FOXP2: variants seen among roughly 807,000 people sequenced by gnomAD.
The protein encoded by FOXP2 is forkhead box P2.
FOXP2 carries 12 observed loss-of-function variants against 115.8 expected under a neutral mutation model. That is an observed-to-expected ratio of 0.10 (90% CI 0.07 to 0.17). FOXP2 has a LOEUF of 0.17. Ranked by LOEUF, FOXP2 falls within the 10% of genes least tolerant of loss-of-function variation. The pLI, the probability that FOXP2 is intolerant of heterozygous loss-of-function variation, is 1.00. For missense variants in FOXP2, 629 were observed against 843.5 expected (o/e 0.75, Z 3.15); for synonymous variants, 328 against 297.7 (o/e 1.10, Z -1.05).
At chr7:114,110,294 G>A (rs1024473730) in intron 1 of FOXP2, among the ~76,000 whole-genome samples, 5 of 152,082 alleles carry the variant, frequency 3.3e-5, no homozygotes, top group African/African-American at 1.2e-4. Flanking sequence ...TTAGGATCTT[G>A]AATTGAACTT....
chr7:114,300,152 G>A (rs1308478107), intron 2 of FOXP2, among the ~76,000 whole-genome samples: 2 of 151,998 alleles, frequency 1.3e-5, no homozygotes, highest in Non-Finnish European at 2.9e-5. Context: ...GAAGATAGCT[G>A]CTTCTCTGGT....
intron 2 of FOXP2, among the ~76,000 whole-genome samples, chr7:114,338,951 A>G (rs918113676): frequency 6.6e-6 from 1 of 151,120 alleles, no homozygotes; most frequent in African/African-American, 2.4e-5. Flanking sequence ...AAACAGATCT[A>G]TGAAATTTTT....
At chr7:114,287,189 GA>G (rs879299058) in intron 1 of FOXP2, among the ~76,000 whole-genome samples, 80 of 151,668 alleles carry the variant, frequency 5.3e-4, no homozygotes, top group Admixed American at 3.2e-3. Context: ...CACATTGGAA[GA>G]AGAAGAATTG....
At chr7:114,322,978 G>A (rs1413855597) in intron 2 of FOXP2, among the ~76,000 whole-genome samples, 2 of 152,098 alleles carry the variant, frequency 1.3e-5, no homozygotes, top group Non-Finnish European at 2.9e-5. Context: ...TGTATTGAAA[G>A]GCATGAGTTC....
intron 1 of FOXP2, among the ~76,000 whole-genome samples, chr7:114,203,852 A>G (rs544378255): frequency 5.3e-5 from 8 of 152,258 alleles, no homozygotes; most frequent in Non-Finnish European, 1.2e-4. Context: ...TTCTTAAGAC[A>G]CAGCTTAACA....
chr7:114,129,186 T>C (rs1391526839), intron 1 of FOXP2, among the ~76,000 whole-genome samples: 3 of 152,212 alleles, frequency 2.0e-5, no homozygotes, highest in African/African-American at 7.2e-5. Flanking sequence ...GCATTTTTAA[T>C]TGAGCCTTAC....
At chr7:114,092,526 TA>T (rs962061747) in intron 1 of FOXP2, among the ~76,000 whole-genome samples, 211 of 145,432 alleles carry the variant, frequency 1.5e-3, no homozygotes, top group African/African-American at 4.3e-3. Context: ...TTCTCAACCT[TA>T]AAAAAAAAAA....
chr7:114,568,615 G>A (rs936243844), intron 3 of FOXP2, among the ~76,000 whole-genome samples: 1 of 151,776 alleles, frequency 6.6e-6, no homozygotes, highest in Non-Finnish European at 1.5e-5. Context: ...TCACGGTGAA[G>A]CCTCAGGCAG....
At chr7:114,252,133 G>A (rs1333956566) in intron 1 of FOXP2, among the ~76,000 whole-genome samples, 2 of 152,296 alleles carry the variant, frequency 1.3e-5, no homozygotes, top group Non-Finnish European at 2.9e-5. Flanking sequence ...GCATCCCAGG[G>A]ATGAAGCTCT....
chr7:114,238,744 C>T (rs185480226), intron 1 of FOXP2, among the ~76,000 whole-genome samples: 2 of 151,454 alleles, frequency 1.3e-5, no homozygotes, highest in East Asian at 3.9e-4. Context: ...TGCACTCCAG[C>T]CTGGGCGACA....
chr7:114,521,664 A>G (rs1196270369), intron 2 of FOXP2, among the ~76,000 whole-genome samples: 8 of 152,154 alleles, frequency 5.3e-5, no homozygotes, highest in African/African-American at 1.9e-4. Context: ...GTGACAACCA[A>G]TAGTAATTTT....
intron 1 of FOXP2, among the ~76,000 whole-genome samples, chr7:114,251,944 C>A (rs1317048504): frequency 6.6e-6 from 1 of 152,018 alleles, no homozygotes; most frequent in East Asian, 1.9e-4. Flanking sequence ...AAATAGCTTT[C>A]ATTATTTTGA....
intron 1 of FOXP2, among the ~76,000 whole-genome samples, chr7:114,143,095 C>T (rs887770503): frequency 1.3e-5 from 2 of 150,958 alleles, no homozygotes; most frequent in Non-Finnish European, 2.9e-5. Context: ...CTGCCATGAG[C>T]TGTGGTTGTG....
At chr7:114,427,398 A>G (rs959895051) in intron 2 of FOXP2, among the ~76,000 whole-genome samples, 1 of 131,980 alleles carries the variant, frequency 7.6e-6, no homozygotes, top group Non-Finnish European at 1.6e-5. Flanking sequence ...CTGATTTTGT[A>G]AAAAAAAAAA....
chr7:114,125,762 G>A (rs1240784371), intron 1 of FOXP2, among the ~76,000 whole-genome samples: 1 of 152,016 alleles, frequency 6.6e-6, no homozygotes, highest in Non-Finnish European at 1.5e-5. Flanking sequence ...TTTTAGAGAA[G>A]GGCATCAGTA....
chr7:114,273,574 A>T (rs557359123), intron 1 of FOXP2, among the ~76,000 whole-genome samples: 1 of 152,016 alleles, frequency 6.6e-6, no homozygotes, highest in Non-Finnish European at 1.5e-5. Flanking sequence ...TAGTAGATTC[A>T]TCAGTTTTTT....
At chr7:114,086,508 C>A, upstream of FOXP2, 1 of 365,746 alleles carries the variant, frequency 2.7e-6, no homozygotes, top group Non-Finnish European at 5.4e-6. Context: ...CCACTCGCGG[C>A]AGCAGCTGCC....
chr7:114,136,252 G>A (rs950272927), intron 1 of FOXP2, among the ~76,000 whole-genome samples: 3 of 151,934 alleles, frequency 2.0e-5, no homozygotes, highest in Non-Finnish European at 4.4e-5. Context: ...TTCTTCTTCT[G>A]TGTTTTTTAT....
chr7:114,213,941 G>C (rs549663040), intron 1 of FOXP2, among the ~76,000 whole-genome samples: 1 of 152,272 alleles, frequency 6.6e-6, no homozygotes, highest in Non-Finnish European at 1.5e-5. Flanking sequence ...AAGACTATAG[G>C]AGAAAATATG....
Sources: gnomAD v4.1 joint callset for allele counts (sites outside exome capture counted in the v4.1 genomes callset) on GRCh38, gnomAD v4.1.1 for gene constraint, MANE v1.5 for transcripts, NCBI Gene and HGNC (gene_info 2026-07-23, HGNC 2026-07-21) for gene names.